FOCAD: variants seen among roughly 807,000 people sequenced by gnomAD.
FOCAD encodes the protein focadhesin, also known as KIAA1797.
FOCAD carries 198 observed loss-of-function variants against 225.6 expected under a neutral mutation model. The observed-to-expected ratio is 0.88, with a 90% confidence interval of 0.78 to 0.99. The LOEUF (loss-of-function observed/expected upper bound fraction) is 0.99, where lower values mean the gene tolerates loss of function less well. Among genes scored for constraint, FOCAD ranks in the 50% least tolerant of loss-of-function variants. FOCAD has a pLI of 0.00. For missense variants in FOCAD, 2,713 were observed against 2,123.6 expected, an observed-to-expected ratio of 1.28 and a Z score of -5.46; for synonymous variants, 897 against 755.0, an observed-to-expected ratio of 1.19 and a Z score of -3.08.
intron 34 of FOCAD, among the ~76,000 whole-genome samples, chr9:20,951,667 G>A (rs1275459898): frequency 6.6e-6 from 1 of 152,156 alleles, no homozygotes; most frequent in Non-Finnish European, 1.5e-5. Context: ...GAAATTCTAG[G>A]CCTTAATATG....
At chr9:20,832,634 A>G (rs548548396) in intron 15 of FOCAD, among the ~76,000 whole-genome samples, 60 of 151,982 alleles carry the variant, frequency 3.9e-4, no homozygotes, top group African/African-American at 1.4e-3. Context: ...AAAATTCTTA[A>G]TCTTATTCAT....
intron 15 of FOCAD, among the ~76,000 whole-genome samples, chr9:20,843,815 A>T (rs1207391392): frequency 2.6e-5 from 4 of 152,174 alleles, no homozygotes; most frequent in Non-Finnish European, 4.4e-5. Flanking sequence ...AGTGGCTGCC[A>T]CTTAATAAAT....
chr9:20,803,986 T>C (rs1483459532), intron 11 of FOCAD, among the ~76,000 whole-genome samples: 1 of 152,146 alleles, frequency 6.6e-6, no homozygotes, highest in African/African-American at 2.4e-5. Context: ...ATCTCCTCAG[T>C]GTGGGAGTAA....
chr9:20,869,643 C>G (rs1356810606), intron 18 of FOCAD, among the ~76,000 whole-genome samples: 1 of 152,022 alleles, frequency 6.6e-6, no homozygotes, highest in Non-Finnish European at 1.5e-5. Flanking sequence ...AATTTGAATA[C>G]CATGTTGATG....
At chr9:20,835,350 C>G (rs1026601508) in intron 15 of FOCAD, among the ~76,000 whole-genome samples, 1 of 152,010 alleles carries the variant, frequency 6.6e-6, no homozygotes, top group Admixed American at 6.6e-5. Context: ...TGTGTTGTAA[C>G]ATGGAGATTT....
chr9:20,850,693 T>C (rs1827559087), intron 15 of FOCAD, among the ~76,000 whole-genome samples: 1 of 151,718 alleles, frequency 6.6e-6, no homozygotes, highest in Non-Finnish European at 1.5e-5. Context: ...TCATATATGA[T>C]TTAATTGGCA....
At chr9:20,961,577 T>A (rs1385817151) in intron 35 of FOCAD, among the ~76,000 whole-genome samples, 1 of 152,182 alleles carries the variant, frequency 6.6e-6, no homozygotes, top group Non-Finnish European at 1.5e-5. Context: ...CTGGGAAACA[T>A]ATGTTCTTGT....
chr9:20,831,065 G>GT (rs1271228415), intron 15 of FOCAD, among the ~76,000 whole-genome samples: 16 of 152,032 alleles, frequency 1.1e-4, no homozygotes, highest in African/African-American at 3.9e-4. Flanking sequence ...CAATTATTCT[G>GT]TGTTTTTTTT....
chr9:20,827,630 A>G (rs978857174), intron 15 of FOCAD, among the ~76,000 whole-genome samples: 2 of 152,180 alleles, frequency 1.3e-5, no homozygotes, highest in East Asian at 1.9e-4. Flanking sequence ...GTGAAATAAG[A>G]CAGACACGGA....
chr9:20,734,849 A>G (rs1196445093), intron 4 of FOCAD, among the ~76,000 whole-genome samples: 7 of 152,022 alleles, frequency 4.6e-5, no homozygotes, highest in African/African-American at 1.2e-4. Context: ...TTTGCCCAGT[A>G]TGGTCTCAAA....
rs538350836 is a variant in FOCAD, at chr9:20,720,527, T to C, written c.280T>C (p.Ser94Pro). 14 of 1,613,784 alleles carry C rather than the reference T, an allele frequency of 8.7e-6. No homozygotes were observed. The highest frequency in any genetic ancestry group is 1.2e-5 in the Non-Finnish European group (14 of 1,179,888). The change falls in exon 4 of 44, where the codon TCA becomes CCA. Residue 94 changes from serine (S) to proline (P), a missense_variant. Physicochemically the swap from Ser to Pro is moderately conservative, Grantham distance 74 (BLOSUM62 -1). Transcript: ENST00000338382. ...CAATGGGATACTCAACTTGATTCCA[T>C]CAACCAGGTACTTTTTCCTCAGTGT... is the stretch of plus-strand genomic sequence containing the variant. ...VLNGILNLIPSTRNTHGLIKA... is the reference protein window; with the variant it reads ...VLNGILNLIPPTRNTHGLIKA...
At chr9:20,707,749 CGTATAA>C (rs1824506989) in intron 1 of FOCAD, among the ~76,000 whole-genome samples, 1 of 152,080 alleles carries the variant, frequency 6.6e-6, no homozygotes, top group Admixed American at 6.6e-5. Flanking sequence ...AGAAAAGCCA[CGTATAA>C]GTGGACCTTT....
intron 6 of FOCAD, 49 bp from the exon 7 acceptor site, chr9:20,764,820 G>C: frequency 1.4e-6 from 2 of 1,431,232 alleles, no homozygotes; most frequent in Non-Finnish European, 9.8e-7. Flanking sequence ...TTACCTGCTT[G>C]ATAGTGTGTT....
chr9:20,936,458 G>C (rs1490957298), intron 28 of FOCAD, among the ~76,000 whole-genome samples: 1 of 152,188 alleles, frequency 6.6e-6, no homozygotes, highest in Non-Finnish European at 1.5e-5. Context: ...TTCAGATGCA[G>C]GCTGAGATTG....
At chr9:20,826,109 T>C (rs1340737243) in intron 15 of FOCAD, among the ~76,000 whole-genome samples, 3 of 152,116 alleles carry the variant, frequency 2.0e-5, no homozygotes, top group Non-Finnish European at 4.4e-5. Flanking sequence ...ATTGTTAATA[T>C]TGAGTGTCAA....
intron 11 of FOCAD, among the ~76,000 whole-genome samples, chr9:20,804,392 C>G (rs919823602): frequency 6.6e-6 from 1 of 151,880 alleles, no homozygotes; most frequent in Admixed American, 6.6e-5. Context: ...TGATGAGTTC[C>G]TAGTTACTTT....
At chr9:20,729,418 G>A (rs551713617) in intron 4 of FOCAD, among the ~76,000 whole-genome samples, 1 of 152,236 alleles carries the variant, frequency 6.6e-6, no homozygotes, top group African/African-American at 2.4e-5. Context: ...TAAGGATACC[G>A]GTTATTGGAT....
chr9:20,909,073 C>G lies in FOCAD; in HGVS notation c.2718+1831C>G, dbSNP rs182292063. Among the ~76,000 whole-genome samples, 685 of 152,044 alleles carry G rather than the reference C, an allele frequency of 4.5e-3. 9 individuals are homozygous for G. The highest frequency in any genetic ancestry group is 5.3e-3 in the Non-Finnish European group (359 of 67,966). ...AATGAACTAAGAATTCTATTTAGCT[C>G]TTAGTGTAAGAAAGGCTAAATTGAA... On this transcript the variant is annotated intron_variant, in intron 22 of 43. Transcript: ENST00000338382.
chr9:20,884,002 G>A (rs1316774228), intron 20 of FOCAD, among the ~76,000 whole-genome samples: 1 of 152,190 alleles, frequency 6.6e-6, no homozygotes, highest in Non-Finnish European at 1.5e-5. Context: ...AGAAGAGGGA[G>A]AGTGAGTGTA....
Sources: allele counts gnomAD v4.1 joint callset (sites outside exome capture counted in the v4.1 genomes callset), GRCh38; gene constraint gnomAD v4.1.1; transcripts MANE v1.5; gene names NCBI Gene and HGNC (gene_info 2026-07-23, HGNC 2026-07-21).